MGAT3: variants seen among roughly 807,000 people sequenced by gnomAD.
The protein encoded by MGAT3 is beta-1,4-mannosyl-glycoprotein 4-beta-N-acetylglucosaminyltransferase.
A neutral mutation model predicts 29.8 loss-of-function variants in MGAT3; 9 were observed. That is an observed-to-expected ratio of 0.30 (90% CI 0.18 to 0.53). The LOEUF (loss-of-function observed/expected upper bound fraction) is 0.53. Among genes scored for constraint, MGAT3 ranks in the 20% least tolerant of loss-of-function variants. MGAT3 has a pLI of 0.96. For synonymous variants in MGAT3, 397 were observed against 348.9 expected (o/e 1.14, Z -1.54); for missense variants, 557 against 769.5 (o/e 0.72, Z 3.27).
chr22:39,476,476 G>A (rs1273094051), intron 1 of MGAT3: 1 of 152,312 alleles, frequency 6.6e-6, no homozygotes, highest in Admixed American at 6.5e-5. Context: ...TGGTGAACGG[G>A]ATTTGCAAGG....
intron 1 of MGAT3, among the ~76,000 whole-genome samples, chr22:39,465,191 C>T (rs1352865656): frequency 1.3e-5 from 2 of 152,184 alleles, no homozygotes; most frequent in Admixed American, 6.5e-5. Context: ...GAACTGGGGG[C>T]AGGGGAAGAG....
chr22:39,481,642 G>A (rs73885232), intron 1 of MGAT3, among the ~76,000 whole-genome samples: 2,562 of 152,298 alleles, frequency 0.017, 77 homozygotes, highest in African/African-American at 0.058. Flanking sequence ...TGTCTTCACT[G>A]GTCACAGGTG....
In MGAT3 at chr22:39,488,379, G is replaced by A; in HGVS notation, c.1032G>A (p.Met344Ile). The A allele has an allele frequency of 6.2e-7, 1 of 1,612,854 alleles. No homozygotes were observed. Among genetic ancestry groups the A allele is most frequent in the Admixed American group, 1.7e-5 (1 of 60,028 alleles). The change falls in exon 2 of 2, where the codon ATG (methionine) becomes ATA (isoleucine). Residue 344 changes from methionine to isoleucine, a missense_variant. By Grantham distance (10) the Met-to-Ile change is conservative. Transcript: ENST00000341184. ...GGACCGAGCCCTTCGCCTTCCACAT[G>A]CGCAAGTCGCTCTACGGCTTCTTCT... ...DGWTEPFAFH[M>I]RKSLYGFFWK... is the part of the protein sequence containing the mutation.
At chr22:39,467,542 G>C (rs1928684024) in intron 1 of MGAT3, among the ~76,000 whole-genome samples, 1 of 152,202 alleles carries the variant, frequency 6.6e-6, no homozygotes, top group African/African-American at 2.4e-5. Flanking sequence ...CTGCTGCTGG[G>C]CACCGCGAAG....
intron 1 of MGAT3, among the ~76,000 whole-genome samples, chr22:39,474,903 G>A (rs954264694): frequency 2.0e-5 from 3 of 152,110 alleles, no homozygotes; most frequent in African/African-American, 7.2e-5. Flanking sequence ...CACTAGCCCC[G>A]GCTGGGACAT....
intron 1 of MGAT3, among the ~76,000 whole-genome samples, chr22:39,485,872 T>C (rs1402073856): frequency 6.6e-6 from 1 of 152,170 alleles, no homozygotes; most frequent in East Asian, 1.9e-4. Context: ...TCCACAGCCA[T>C]AAACTGATTG....
chr22:39,471,100 G>C (rs1013527422), intron 1 of MGAT3, among the ~76,000 whole-genome samples: 2 of 152,142 alleles, frequency 1.3e-5, no homozygotes, highest in African/African-American at 4.8e-5. Flanking sequence ...CAGACCAAAG[G>C]CTCTGGCTGC....
At chr22:39,462,900 G>C (rs1487547741) in intron 1 of MGAT3, among the ~76,000 whole-genome samples, 1 of 152,216 alleles carries the variant, frequency 6.6e-6, no homozygotes, top group African/African-American at 2.4e-5. Flanking sequence ...GGAATCCCTT[G>C]AGAGGGGTGG....
Position 39,479,612 on chromosome 22 carries a change from T to C in MGAT3, c.-1-7735T>C, listed in dbSNP as rs1255425956. ...TGTGTCCCCACCCAAAGGCTCACTCTTTCTCTTCTCTGCCAGGCTGGGGAA... is the reference window on the plus strand; with the variant it reads ...TGTGTCCCCACCCAAAGGCTCACTCCTTCTCTTCTCTGCCAGGCTGGGGAA... On this transcript the variant is annotated intron_variant, in intron 1 of 1. Transcript: ENST00000341184. Among the ~76,000 whole-genome samples, 6 of 152,280 alleles carry C rather than the reference T, an allele frequency of 3.9e-5. No individual in the cohort carries two copies. In the East Asian group the frequency reaches 1.2e-3, roughly 29 times the overall value.
In MGAT3 at chr22:39,488,527, C is replaced by G. The variant is rs566293253; in HGVS notation, c.1180C>G (p.Gln394Glu). 16 of 1,613,296 alleles carry G rather than the reference C, an allele frequency of 9.9e-6. No individual in the cohort carries two copies. Among genetic ancestry groups the G allele is most frequent in the Middle Eastern group, 3.3e-4 (2 of 6,062 alleles). The stretch of plus-strand genomic sequence containing the variant: ...GTACTACACCATGCCCAACTTCAGA[C>G]AGTATGAGAACCGCACCGGCCACAT... The part of the protein sequence containing the change: ...RQYYTMPNFR[Q>E]YENRTGHILV... The change falls in exon 2 of 2, where the codon CAG becomes GAG. Residue 394 changes from glutamine to glutamate, a missense_variant. Physicochemically the swap from Gln to Glu is conservative, Grantham distance 29. Transcript: ENST00000341184.
Position 39,490,205 on chromosome 22 carries a change from C to T in MGAT3, c.*1256C>T, listed in dbSNP as rs1929414081. On this transcript the variant is annotated 3_prime_UTR_variant, in exon 2 of 2. Transcript: ENST00000341184. ...CAATTCTGGGTACACAGCGGCTGCT[C>T]CAGCGCCCACCCTCCTGTGTGCATC... The T allele has an allele frequency of 6.0e-6, 1 of 167,096 alleles. No homozygotes were observed. The highest frequency in any genetic ancestry group is 6.5e-5 in the Admixed American group (1 of 15,286). The allele number at this position is 167,096 out of a possible 1,614,324, so 10.4% of individuals were successfully genotyped here.
intron 1 of MGAT3, among the ~76,000 whole-genome samples, chr22:39,469,843 C>T (rs1433549117): frequency 2.0e-5 from 3 of 152,222 alleles, no homozygotes; most frequent in East Asian, 1.9e-4. Context: ...CTGGCACTGC[C>T]GGGGCTGCAG....
At chr22:39,461,173 T>C (rs1486295129) in intron 1 of MGAT3, among the ~76,000 whole-genome samples, 1 of 152,162 alleles carries the variant, frequency 6.6e-6, no homozygotes, top group African/African-American at 2.4e-5. Context: ...AGTGTCATAA[T>C]GGGAGCTGGT....
rs1438850107 is a variant in MGAT3, at chr22:39,491,013, C to T, written c.*2064C>T. The stretch of plus-strand genomic sequence containing the variant: ...CTGTGCAGCTGAGAGCCCACTACCT[C>T]CCCAGCCCCTCTCGGCCCCAGCCGC... On this transcript the variant is annotated 3_prime_UTR_variant, in exon 2 of 2. Transcript: ENST00000341184. The surrounding 1 kb of genome is among the most constrained non-coding windows in gnomAD (Gnocchi z 5.5). 1 of 167,212 alleles carries T rather than the reference C, an allele frequency of 6.0e-6. No homozygotes were observed. The highest frequency in any genetic ancestry group is 1.5e-5 in the Non-Finnish European group (1 of 68,200). The allele number at this position is 167,212 out of a possible 1,614,324, so 10.4% of individuals were successfully genotyped here. A position where few individuals can be genotyped will look rare whatever the true frequency, so the allele number is the denominator to read the frequency against.
At chr22:39,469,501 T>C (rs1928748162) in intron 1 of MGAT3, among the ~76,000 whole-genome samples, 1 of 152,182 alleles carries the variant, frequency 6.6e-6, no homozygotes, top group Non-Finnish European at 1.5e-5. Context: ...CACCACCTGC[T>C]GCCCTGTACA....
chr22:39,465,520 C>G (rs910277682), intron 1 of MGAT3, among the ~76,000 whole-genome samples: 10 of 152,202 alleles, frequency 6.6e-5, no homozygotes, highest in African/African-American at 2.2e-4. Context: ...ACAAACTCAT[C>G]AGGTCCCTCA....
intron 1 of MGAT3, among the ~76,000 whole-genome samples, chr22:39,475,533 A>G (rs1259642955): frequency 6.6e-6 from 1 of 151,952 alleles, no homozygotes; most frequent in Non-Finnish European, 1.5e-5. Flanking sequence ...TAGTTAACCA[A>G]TGCTCTATGA....
At chr22:39,473,471 C>T (rs1175541474) in intron 1 of MGAT3, among the ~76,000 whole-genome samples, 1 of 152,200 alleles carries the variant, frequency 6.6e-6, no homozygotes, top group Non-Finnish European at 1.5e-5. Context: ...AGCATAAATT[C>T]CTCCATGAGG....
intron 1 of MGAT3, among the ~76,000 whole-genome samples, chr22:39,474,183 G>A (rs570850696): frequency 2.0e-5 from 3 of 152,244 alleles, no homozygotes; most frequent in Admixed American, 6.5e-5. Context: ...GTGTGCCACC[G>A]GGGTGCTCAC....
Sources: gnomAD v4.1 joint callset for allele counts (sites outside exome capture counted in the v4.1 genomes callset) on GRCh38, gnomAD v4.1.1 for gene constraint, Gnocchi (gnomAD v3.1) non-coding constraint, MANE v1.5 for transcripts, NCBI Gene and HGNC (gene_info 2026-07-23, HGNC 2026-07-21) for gene names.